The following RAPGEF5 variants were observed in gnomAD, a reference collection of about 807,000 sequenced individuals.
The protein encoded by RAPGEF5 is Rap guanine nucleotide exchange factor 5.
RAPGEF5 carries 65 observed loss-of-function variants against 125.2 expected under a neutral mutation model. The ratio of observed to expected loss-of-function variants is 0.52; its 90% confidence interval spans 0.43 to 0.64. The LOEUF (loss-of-function observed/expected upper bound fraction) is 0.64, where lower values mean the gene tolerates loss of function less well. Ranked by LOEUF, RAPGEF5 falls within the 30% of genes least tolerant of loss-of-function variation. RAPGEF5 has a pLI of 0.00. For missense variants in RAPGEF5, 958 were observed against 1,048.1 expected, an observed-to-expected ratio of 0.91 and a Z score of 1.19; for synonymous variants, 391 against 385.9, an observed-to-expected ratio of 1.01 and a Z score of -0.16.
intron 20 of RAPGEF5, among the ~76,000 whole-genome samples, chr7:22,144,591 G>C (rs1456370183): frequency 6.6e-6 from 1 of 152,176 alleles, no homozygotes; most frequent in Non-Finnish European, 1.5e-5. Context: ...TCAGGGGGTG[G>C]GGCCAGCCAG....
At chr7:22,226,860 T>C (rs907433507) in intron 8 of RAPGEF5, among the ~76,000 whole-genome samples, 4 of 152,112 alleles carry the variant, frequency 2.6e-5, no homozygotes. Context: ...ACTATAGAAA[T>C]ACTGTGTAAT....
rs918561181 is a variant in RAPGEF5, at chr7:22,203,927, TAGA to T, written c.997-9897_997-9895del. 4.2e-4 allele frequency among the ~76,000 whole-genome samples: 64 copies of T among 152,034 alleles called. 1 individual carries two copies. ...AGATCCTTAAGCATTTCCTGAAATG[TAGA>T]AGAAGAAAGGGAAAAAAATTGCCAG... On this transcript the variant is annotated intron_variant, in intron 9 of 25. Coordinates refer to ENST00000665637, the MANE Select transcript of RAPGEF5 (RefSeq NM_012294.5).
At chr7:22,338,913 C>G (rs74668684) in intron 1 of RAPGEF5, among the ~76,000 whole-genome samples, 33,155 of 152,080 alleles carry the variant, frequency 0.22, 3,992 homozygotes, top group South Asian at 0.28. Flanking sequence ...TTAACTGTCT[C>G]TAAAATAATA....
At chr7:22,317,249 T>C (rs994552219) in intron 2 of RAPGEF5, among the ~76,000 whole-genome samples, 1 of 150,520 alleles carries the variant, frequency 6.6e-6, no homozygotes, top group Non-Finnish European at 1.5e-5. Context: ...TTTCTTTTTT[T>C]TTTTTTTTTG....
chr7:22,128,707 T>C (rs1038256451), intron 24 of RAPGEF5, among the ~76,000 whole-genome samples: 6 of 152,180 alleles, frequency 3.9e-5, no homozygotes, highest in African/African-American at 1.4e-4. Flanking sequence ...GGGGTCAGCA[T>C]GAGGCATGCT....
In RAPGEF5 at chr7:22,165,917, G is replaced by T. The variant is rs1412676703; in HGVS notation, c.1283+1153C>A. 2.0e-5 allele frequency among the ~76,000 whole-genome samples: 3 copies of T among 151,656 alleles called. No homozygotes were observed. In the East Asian group the frequency reaches 5.8e-4, roughly 29 times the overall value. On this transcript the variant is annotated intron_variant, in intron 12 of 25. Coordinates refer to ENST00000665637, the MANE Select transcript of RAPGEF5 (RefSeq NM_012294.5). ...TGCAGCTTCAACCTCCTGGACTTAA[G>T]TAATCCTCCTCCCTCAGCATCTCAT... is the stretch of plus-strand genomic sequence containing the variant.
At chr7:22,292,560 T>C (rs1782958839) in intron 5 of RAPGEF5, among the ~76,000 whole-genome samples, 1 of 152,206 alleles carries the variant, frequency 6.6e-6, no homozygotes, top group South Asian at 2.1e-4. Flanking sequence ...ATGATGAGTA[T>C]TTTGAACAAG....
intron 7 of RAPGEF5, among the ~76,000 whole-genome samples, chr7:22,252,107 C>T (rs565620585): frequency 6.6e-6 from 1 of 152,148 alleles, no homozygotes; most frequent in East Asian, 1.9e-4. Context: ...GCCTCTCCCC[C>T]GCCTTACACC....
In RAPGEF5 at chr7:22,140,234, G is replaced by C; in HGVS notation, c.2187-119C>G. 9.4e-6 allele frequency: 8 copies of C among 849,174 alleles called. No homozygotes were observed. The South Asian group carries it at 1.3e-4, about 14-fold the overall frequency. 52.6% of individuals were successfully genotyped at this position (849,174 alleles called of 1,614,324 possible). ...CAGAGCTCAGGAATTCTGCTCTACAGCCTACGTACCCCTTACTGCCCTTCA... is the reference window on the plus strand; with the variant it reads ...CAGAGCTCAGGAATTCTGCTCTACACCCTACGTACCCCTTACTGCCCTTCA... On this transcript the variant is annotated intron_variant, in intron 20 of 25. Coordinates refer to ENST00000665637, the MANE Select transcript of RAPGEF5 (RefSeq NM_012294.5).
At chr7:22,270,500 G>A (rs1489435058) in intron 6 of RAPGEF5, among the ~76,000 whole-genome samples, 1 of 152,188 alleles carries the variant, frequency 6.6e-6, no homozygotes, top group Non-Finnish European at 1.5e-5. Context: ...CTGAAATAGA[G>A]CCACTGTTGG....
At chr7:22,304,097 T>G (rs1216563935) in intron 5 of RAPGEF5, among the ~76,000 whole-genome samples, 1 of 151,918 alleles carries the variant, frequency 6.6e-6, no homozygotes, top group African/African-American at 2.4e-5. Flanking sequence ...CAAGTCTAGA[T>G]AAGCCAAAGC....
intron 1 of RAPGEF5, among the ~76,000 whole-genome samples, chr7:22,342,378 G>A (rs1251967892): frequency 6.6e-6 from 1 of 152,200 alleles, no homozygotes; most frequent in Non-Finnish European, 1.5e-5. Context: ...AAAGGTCTCT[G>A]ACACCTTGGA....
At chr7:22,167,538 C>T (rs1241895551) in intron 11 of RAPGEF5, among the ~76,000 whole-genome samples, 1 of 152,110 alleles carries the variant, frequency 6.6e-6, no homozygotes, top group East Asian at 1.9e-4. Context: ...GGGAATAAAG[C>T]CTTCATGTGT....
chr7:22,300,246 A>G (rs1249195062), intron 5 of RAPGEF5, among the ~76,000 whole-genome samples: 1 of 152,188 alleles, frequency 6.6e-6, no homozygotes, highest in African/African-American at 2.4e-5. Context: ...CCAATTCAAC[A>G]AATTTTTAAT....
chr7:22,320,425 T>C (rs959678317), intron 1 of RAPGEF5, among the ~76,000 whole-genome samples: 1 of 152,142 alleles, frequency 6.6e-6, no homozygotes, highest in Non-Finnish European at 1.5e-5. Context: ...ATCCATTACC[T>C]CATTTTTAGC....
chr7:22,317,672 G>T (rs1783630771), intron 2 of RAPGEF5, among the ~76,000 whole-genome samples: 1 of 152,084 alleles, frequency 6.6e-6, no homozygotes, highest in African/African-American at 2.4e-5. Context: ...TTTAACAATA[G>T]CTATATTATA....
intron 11 of RAPGEF5, among the ~76,000 whole-genome samples, chr7:22,179,417 T>G (rs1357854178): frequency 6.6e-6 from 1 of 152,168 alleles, no homozygotes; most frequent in African/African-American, 2.4e-5. Flanking sequence ...ATATGTAAGA[T>G]TATTCTAAAT....
chr7:22,246,571 A>C (rs906899464), intron 7 of RAPGEF5, among the ~76,000 whole-genome samples: 2 of 152,166 alleles, frequency 1.3e-5, no homozygotes, highest in Non-Finnish European at 2.9e-5. Context: ...ATTTATAAAA[A>C]CCAACAAGAT....
chr7:22,341,311 C>T (rs1167013742), intron 1 of RAPGEF5, among the ~76,000 whole-genome samples: 1 of 152,178 alleles, frequency 6.6e-6, no homozygotes, highest in Admixed American at 6.5e-5. Context: ...CAGGAAAGAT[C>T]TGCCCTGTGA....
Sources: gnomAD v4.1 joint callset for allele counts (sites outside exome capture counted in the v4.1 genomes callset) on GRCh38, gnomAD v4.1.1 for gene constraint, MANE v1.5 for transcripts, NCBI Gene and HGNC (gene_info 2026-07-23, HGNC 2026-07-21) for gene names.